The following ESRRG variants were observed in gnomAD, a reference collection of about 807,000 sequenced individuals.
ESRRG encodes the protein estrogen related receptor gamma.
Under a neutral mutation model 44.0 loss-of-function variants are expected in ESRRG, and 13 were observed. The ratio of observed to expected loss-of-function variants is 0.30; its 90% CI spans 0.19 to 0.47. ESRRG has a LOEUF of 0.47. ESRRG is among the 20% of genes least tolerant of loss of function. The pLI is 1.00. For synonymous variants in ESRRG, 215 were observed against 214.6 expected, an observed-to-expected ratio of 1.00 and a Z score of -0.02; for missense variants, 395 against 580.6, an observed-to-expected ratio of 0.68 and a Z score of 3.29.
At chr1:216,579,851 C>A (rs72737305) in intron 3 of ESRRG, among the ~76,000 whole-genome samples, 1 of 152,112 alleles carries the variant, frequency 6.6e-6, no homozygotes, top group East Asian at 1.9e-4. Context: ...AGGCAGAATT[C>A]CCCATGAAAA....
Position 216,799,907 on chromosome 1 carries a change from G to C in ESRRG, c.-13-122416C>G, listed in dbSNP as rs552457647. ...TGGGATTATCACTTATGTAGCCTTA[G>C]AACCATGTAATGTTCTTGAGGAAGG... is the stretch of plus-strand genomic sequence containing the variant. On this transcript the variant is annotated intron_variant, in intron 2 of 7. Coordinates refer to the ESRRG transcript ENST00000359162. Among the ~76,000 whole-genome samples, 10 of 152,194 alleles carry C rather than the reference G, an allele frequency of 6.6e-5. No individual in the cohort carries two copies. The East Asian group carries it at 1.9e-3, about 29-fold the overall frequency.
chr1:216,981,068 A>T (rs1284101727), intron 1 of ESRRG, among the ~76,000 whole-genome samples: 1 of 152,158 alleles, frequency 6.6e-6, no homozygotes, highest in Admixed American at 6.5e-5. Flanking sequence ...GTCACTAATT[A>T]CGTAGCAGAG....
At chr1:216,526,150 T>C (rs2047582334) in intron 5 of ESRRG, among the ~76,000 whole-genome samples, 1 of 151,986 alleles carries the variant, frequency 6.6e-6, no homozygotes, top group African/African-American at 2.4e-5. Context: ...AACTATAACT[T>C]TGAGGTCTAG....
intron 6 of ESRRG, among the ~76,000 whole-genome samples, chr1:216,512,437 T>C (rs1246862086): frequency 3.3e-5 from 5 of 152,054 alleles, no homozygotes; most frequent in Non-Finnish European, 7.4e-5. Flanking sequence ...AACTTTGGAG[T>C]ACAGACTTAA....
chr1:216,615,790 A>G (rs2061353007), intron 3 of ESRRG, among the ~76,000 whole-genome samples: 1 of 148,184 alleles, frequency 6.7e-6, no homozygotes, highest in East Asian at 2.0e-4. Context: ...CAGGCTCAAG[A>G]GATTCTCCTG....
At chr1:217,051,957 G>C (rs1433492788) in intron 1 of ESRRG, among the ~76,000 whole-genome samples, 1 of 151,818 alleles carries the variant, frequency 6.6e-6, no homozygotes, top group Non-Finnish European at 1.5e-5. Flanking sequence ...TTATTTTAGA[G>C]ACAGGGTCTT....
chr1:216,720,776 T>C (rs2086085638), intron 1 of ESRRG, among the ~76,000 whole-genome samples: 1 of 152,132 alleles, frequency 6.6e-6, no homozygotes, highest in Non-Finnish European at 1.5e-5. Context: ...CAAACACGAA[T>C]CTTAAAACAC....
intron 2 of ESRRG, among the ~76,000 whole-genome samples, chr1:216,675,187 C>G (rs2075878523): frequency 6.6e-6 from 1 of 151,738 alleles, no homozygotes; most frequent in Admixed American, 6.6e-5. Flanking sequence ...GTGGTGAAAC[C>G]TTGTCTCTAC....
At chr1:217,038,263 A>G (rs1306965788) in intron 1 of ESRRG, among the ~76,000 whole-genome samples, 1 of 152,156 alleles carries the variant, frequency 6.6e-6, no homozygotes, top group East Asian at 1.9e-4. Context: ...CCTGCAGCAA[A>G]CTTCTGCCTG....
chr1:216,567,488 C>T (rs1169503747), intron 4 of ESRRG, among the ~76,000 whole-genome samples: 1 of 152,300 alleles, frequency 6.6e-6, no homozygotes, highest in Non-Finnish European at 1.5e-5. Context: ...TAATCTATTG[C>T]TAGCTAGTGT....
intron 3 of ESRRG, among the ~76,000 whole-genome samples, chr1:216,614,963 T>G (rs7524845): frequency 0.43 from 65,958 of 152,072 alleles, 15,653 homozygotes; most frequent in African/African-American, 0.64. Context: ...CAGACCTCTA[T>G]GTGTGTTGTA....
intron 2 of ESRRG, among the ~76,000 whole-genome samples, chr1:216,794,735 C>T (rs1468874509): frequency 6.6e-6 from 1 of 152,058 alleles, no homozygotes; most frequent in African/African-American, 2.4e-5. Context: ...AGAAGAAAAG[C>T]AAAGGTTTTG....
chr1:216,935,922 G>A (rs534890150), intron 2 of ESRRG, among the ~76,000 whole-genome samples: 27 of 152,048 alleles, frequency 1.8e-4, no homozygotes, highest in African/African-American at 6.5e-4. Context: ...GCCCAGATTA[G>A]GGATTTTTAT....
chr1:217,083,839 C>A lies in ESRRG; in HGVS notation c.-106+5668G>T, dbSNP rs76347575. Among the ~76,000 whole-genome samples, 1,311 of 152,206 alleles carry A rather than the reference C, an allele frequency of 8.6e-3. 28 individuals are homozygous for A. Among genetic ancestry groups the A allele is most frequent in the African/African-American group, 0.03 (1,236 of 41,520 alleles). On this transcript the variant is annotated intron_variant, in intron 1 of 7. Transcript: ENST00000359162. ...ATAATAACTTGGAAAAATATATAGC[C>A]CATGTTTACTATAGTACTATAGCTA...
intron 2 of ESRRG, among the ~76,000 whole-genome samples, chr1:216,882,486 G>T (rs2096461420): frequency 6.6e-6 from 1 of 152,124 alleles, no homozygotes; most frequent in Non-Finnish European, 1.5e-5. Flanking sequence ...TCAACAACAT[G>T]CTAGATGCTG....
intron 1 of ESRRG, among the ~76,000 whole-genome samples, chr1:216,972,838 G>A (rs910601727): frequency 6.6e-6 from 1 of 152,154 alleles, no homozygotes; most frequent in Non-Finnish European, 1.5e-5. Flanking sequence ...TACAGTGCAG[G>A]TGCGTGTAAA....
intron 2 of ESRRG, among the ~76,000 whole-genome samples, chr1:216,812,889 T>C (rs951752914): frequency 6.6e-6 from 1 of 152,194 alleles, no homozygotes; most frequent in Non-Finnish European, 1.5e-5. Context: ...CTATGCCATA[T>C]AGCAATGAGG....
chr1:217,054,843 A>G (rs2086768276), intron 1 of ESRRG, among the ~76,000 whole-genome samples: 1 of 152,156 alleles, frequency 6.6e-6, no homozygotes, highest in Admixed American at 6.5e-5. Context: ...CATTGATTAT[A>G]ATATCACTGA....
chr1:216,782,649 T>C (rs947722202), intron 2 of ESRRG, among the ~76,000 whole-genome samples: 2 of 152,056 alleles, frequency 1.3e-5, no homozygotes, highest in African/African-American at 4.8e-5. Flanking sequence ...TTTAAAAGAA[T>C]GCAAGTTCCA....
Sources: allele counts gnomAD v4.1 joint callset (sites outside exome capture counted in the v4.1 genomes callset), GRCh38; gene constraint gnomAD v4.1.1; transcripts MANE v1.5; gene names NCBI Gene and HGNC (gene_info 2026-07-23, HGNC 2026-07-21).